STAT1: variants seen among roughly 807,000 people sequenced by gnomAD.
STAT1 encodes the protein signal transducer and activator of transcription 1-alpha/beta.
Under a neutral mutation model 111.7 loss-of-function variants are expected in STAT1, and 24 were observed. The ratio of observed to expected loss-of-function variants is 0.21; its 90% CI spans 0.16 to 0.30. The LOEUF is 0.30. Among genes scored for constraint, STAT1 ranks in the 10% least tolerant of loss-of-function variants. STAT1 has a pLI of 1.00. For missense variants in STAT1, 351 were observed against 911.9 expected, an observed-to-expected ratio of 0.38 and a Z score of 7.92; for synonymous variants, 332 against 326.5, an observed-to-expected ratio of 1.02 and a Z score of -0.18.
rs1694454985 is a variant in STAT1 at position 191,003,686 on chromosome 2, G to A, written c.373-2523C>T. Among the ~76,000 whole-genome samples the A allele has an allele frequency of 2.3e-5, 3 of 129,134 alleles. No homozygotes were observed. The South Asian group carries it at 6.7e-4, about 29-fold the overall frequency. The allele number at this position is 129,134 out of a possible 152,430, so 84.7% of individuals were successfully genotyped here. A position where few individuals can be genotyped will look rare whatever the true frequency, so the allele number is the denominator to read the frequency against. ...GAAACTGAGCAGATGCCAGCACCAT[G>A]CTTCCTGTAACAGCCTGCAGAACCA... On this transcript the variant is annotated intron_variant, in intron 5 of 24. Transcript: ENST00000361099. This position sits in a 1 kb window ranked among gnomAD's most constrained non-coding sequence, Gnocchi z 4.0.
chr2:190,972,733 CTTTT>C (rs576414210), intron 24 of STAT1, among the ~76,000 whole-genome samples: 21 of 126,396 alleles, frequency 1.7e-4, no homozygotes, highest in African/African-American at 6.2e-4. Flanking sequence ...CTTTTCTTTT[CTTTT>C]TTTTTTTTTA....
chr2:190,993,519 A>G lies in STAT1; in HGVS notation c.944+1542T>C, dbSNP rs1262478166. On this transcript the variant is annotated intron_variant, in intron 10 of 24. Transcript: ENST00000361099. The surrounding 1 kb of genome is among the most constrained non-coding windows in gnomAD (Gnocchi z 4.1). ...AGACTTTCCAACCCCAGAGTCGCCA[A>G]TCAGAAGTAATTTGAATAAATAATC... 1 of 741,506 alleles carries G rather than the reference A, an allele frequency of 1.3e-6. No homozygotes were observed. The highest frequency in any genetic ancestry group is 1.8e-5 in the African/African-American group (1 of 57,078). 45.9% of individuals were successfully genotyped at this position (741,506 alleles called of 1,614,324 possible). A position where few individuals can be genotyped will look rare whatever the true frequency, so the allele number is the denominator to read the frequency against.
At position 190,981,857 on chromosome 2, in the gene STAT1, T is replaced by C. The variant is rs1326361292; in HGVS notation, c.1582+526A>G. Among the ~76,000 whole-genome samples the C allele has an allele frequency of 6.6e-6, 1 of 152,250 alleles. No homozygotes were observed. The highest frequency in any genetic ancestry group is 1.5e-5 in the Non-Finnish European group (1 of 68,046). On this transcript the variant is annotated intron_variant, in intron 18 of 24. Coordinates refer to ENST00000361099, the MANE Select transcript of STAT1 (RefSeq NM_007315.4). The surrounding 1 kb of genome is among the most constrained non-coding windows in gnomAD (Gnocchi z 4.1). ...GACATTAACCACTGAAAGGGAATTATCTACCACTGTCTAGACTCTGTCCAA... is the reference window on the plus strand; with the variant it reads ...GACATTAACCACTGAAAGGGAATTACCTACCACTGTCTAGACTCTGTCCAA...
chr2:190,985,703 T>A (rs1475384098), intron 14 of STAT1, 43 bp from the exon 15 acceptor site: 1 of 1,589,644 alleles, frequency 6.3e-7, no homozygotes, highest in Non-Finnish European at 8.6e-7. Flanking sequence ...ATGGTAATGG[T>A]CAAAGTTGCT....
intron 5 of STAT1, among the ~76,000 whole-genome samples, chr2:191,002,664 G>C (rs1459025746): frequency 2.0e-5 from 3 of 152,020 alleles, no homozygotes; most frequent in Non-Finnish European, 2.9e-5. Flanking sequence ...TTGTCTAATT[G>C]CATTGGCCAA....
chr2:191,002,699 C>T (rs2125084111), intron 5 of STAT1, among the ~76,000 whole-genome samples: 1 of 152,224 alleles, frequency 6.6e-6, no homozygotes, highest in Admixed American at 6.5e-5. Flanking sequence ...TGCTAAATAG[C>T]AGTGGAAACA....
Position 190,977,132 on chromosome 2 carries a change from AC to A in STAT1, c.1874-108del. The A allele has an allele frequency of 9.6e-7, 1 of 1,045,858 alleles. No homozygotes were observed. Among genetic ancestry groups the A allele is most frequent in the Non-Finnish European group, 1.5e-6 (1 of 675,186 alleles). The allele number at this position is 1,045,858 out of a possible 1,614,324, so 64.8% of individuals were successfully genotyped here. A position where few individuals can be genotyped will look rare whatever the true frequency, so the allele number is the denominator to read the frequency against. ...ATGGATTTGAGTGAACCTCATAAGA[AC>A]TAATCACAATCTAAGCATTATAACA... On this transcript the variant is annotated intron_variant, in intron 21 of 24. Transcript: ENST00000361099. This position sits in a 1 kb window ranked among gnomAD's most constrained non-coding sequence, Gnocchi z 4.7.
chr2:190,991,177 G>A, intron 11 of STAT1, 51 bp downstream of exon 11: 1 of 1,572,088 alleles, frequency 6.4e-7, no homozygotes, highest in South Asian at 1.1e-5. Context: ...GAAACTAGGG[G>A]TACAAACTAC....
Position 190,971,704 on chromosome 2 carries a change from TTTTC to T in STAT1, c.2239-991_2239-988del, listed in dbSNP as rs1242791846. On this transcript the variant is annotated intron_variant, in intron 24 of 24. Coordinates refer to ENST00000361099, the MANE Select transcript of STAT1 (RefSeq NM_007315.4). This position sits in a 1 kb window ranked among gnomAD's most constrained non-coding sequence, Gnocchi z 4.1. ...AGTCTAGCTTATGTTTCTCTTTTCT[TTTTC>T]TTTCTTTTTTTTTTTCAAATTGGAG... 2.7e-5 allele frequency among the ~76,000 whole-genome samples: 4 copies of T among 146,708 alleles called. No homozygotes were observed. The highest frequency in any genetic ancestry group is 4.9e-5 in the African/African-American group (2 of 40,414).
intron 5 of STAT1, among the ~76,000 whole-genome samples, chr2:191,005,974 G>T (rs539717671): frequency 1.2e-4 from 18 of 152,192 alleles, no homozygotes; most frequent in Non-Finnish European, 1.9e-4. Flanking sequence ...GAGCTCAAAA[G>T]CTGGTAAACC....
chr2:191,009,826 A>C, intron 3 of STAT1, 50 bp downstream of exon 3: 1 of 1,610,318 alleles, frequency 6.2e-7, no homozygotes, highest in Non-Finnish European at 8.5e-7. Flanking sequence ...TTAATCAACC[A>C]GTACTTTTAA....
rs1265788704 is a variant in STAT1 at position 190,999,367 on chromosome 2, C to G, written c.541+259G>C. Among the ~76,000 whole-genome samples, 2 of 152,070 alleles carry G rather than the reference C, an allele frequency of 1.3e-5. No individual in the cohort carries two copies. The highest frequency in any genetic ancestry group is 2.9e-5 in the Non-Finnish European group (2 of 68,028). The stretch of plus-strand genomic sequence containing the variant: ...GTTTTGGTTGTCACTAGTGAGGGCT[C>G]CTGGGTAGTGCTACTGGCATCTGGT... On this transcript the variant is annotated intron_variant, in intron 7 of 24. Transcript: ENST00000361099. This position sits in a 1 kb window ranked among gnomAD's most constrained non-coding sequence, Gnocchi z 4.1.
chr2:191,014,021 G>A lies in STAT1; in HGVS notation c.-159C>T, dbSNP rs1317848379. ...CCGGAACCTCACGGCCACTCACTCT[G>A]CGCGCAGGATCCGGAAGGGCTAGGC... On this transcript the variant is annotated 5_prime_UTR_variant, in exon 1 of 25. Transcript: ENST00000361099. 1 of 202,970 alleles carries A rather than the reference G, an allele frequency of 4.9e-6. No individual in the cohort carries two copies. The highest frequency in any genetic ancestry group is 9.8e-6 in the Non-Finnish European group (1 of 101,654). The allele number at this position is 202,970 out of a possible 1,614,324, so 12.6% of individuals were successfully genotyped here. A position where few individuals can be genotyped will look rare whatever the true frequency, so the allele number is the denominator to read the frequency against.
chr2:191,009,932 G>A lies in STAT1; in HGVS notation c.72C>T (p.Asp24=), dbSNP rs1335309568. 4 of 1,613,968 alleles carry A rather than the reference G, an allele frequency of 2.5e-6. No homozygotes were observed. The East Asian group carries it at 8.9e-5, about 36-fold the overall frequency. The change falls in exon 3 of 25, where the codon GAC becomes GAT. Residue 24 remains aspartate (D), a synonymous_variant. Transcript: ENST00000361099. ...FLEQVHQLYD[D]SFPMEIRQYL... The stretch of plus-strand genomic sequence containing the variant: ...ACTGTCTGATTTCCATGGGAAAACT[G>A]TCATCATAAAGCTGGTGAACCTGCT...
At chr2:190,988,202 G>C (rs1332046994) in intron 12 of STAT1, among the ~76,000 whole-genome samples, 1 of 152,192 alleles carries the variant, frequency 6.6e-6, no homozygotes, top group Non-Finnish European at 1.5e-5. Flanking sequence ...CATGGGAAAA[G>C]CCCAGGCTAG....
chr2:190,991,863 C>A (rs1197822902), intron 10 of STAT1, among the ~76,000 whole-genome samples: 2 of 151,258 alleles, frequency 1.3e-5, no homozygotes, highest in Non-Finnish European at 2.9e-5. Flanking sequence ...TCTCAAAAAT[C>A]CAAAATAAAA....
intron 10 of STAT1, among the ~76,000 whole-genome samples, chr2:190,991,886 G>A (rs116412355): frequency 0.03 from 4,526 of 151,942 alleles, 215 homozygotes; most frequent in African/African-American, 0.1. Context: ...TAAAAACCCC[G>A]TATTTAATTA....
At chr2:190,972,552 T>C (rs770046017) in intron 24 of STAT1, among the ~76,000 whole-genome samples, 1 of 152,152 alleles carries the variant, frequency 6.6e-6, no homozygotes, top group African/African-American at 2.4e-5. Flanking sequence ...GACAGCCAGC[T>C]TGGGGAGAGC....
chr2:190,994,874 C>T (rs1693697788), intron 10 of STAT1, among the ~76,000 whole-genome samples, 187 bp downstream of exon 10: 2 of 145,440 alleles, frequency 1.4e-5, no homozygotes, highest in Admixed American at 6.9e-5. Flanking sequence ...CAAGATCACG[C>T]CACTGCACTC....
Sources: allele counts gnomAD v4.1 joint callset (sites outside exome capture counted in the v4.1 genomes callset), GRCh38; gene constraint gnomAD v4.1.1; non-coding constraint Gnocchi (gnomAD v3.1); transcripts MANE v1.5; gene names NCBI Gene and HGNC (gene_info 2026-07-23, HGNC 2026-07-21).